Variants in SLIT3 observed in about 807,000 individuals in gnomAD.
The protein encoded by SLIT3 is slit homolog 3 protein.
Under a neutral mutation model 184.0 loss-of-function variants are expected in SLIT3, and 68 were observed. The observed-to-expected ratio is 0.37, with a 90% CI of 0.30 to 0.45. SLIT3 has a LOEUF of 0.45. Ranked by LOEUF, SLIT3 falls within the 20% of genes least tolerant of loss-of-function variation. SLIT3 has a pLI of 1.00. For synonymous variants in SLIT3, 831 were observed against 828.6 expected, an observed-to-expected ratio of 1.00 and a Z score of -0.05; for missense variants, 1,707 against 2,026.0, an observed-to-expected ratio of 0.84 and a Z score of 3.02.
chr5:168,727,978 T>C (rs922700527), intron 20 of SLIT3, among the ~76,000 whole-genome samples: 1 of 151,946 alleles, frequency 6.6e-6, no homozygotes, highest in African/African-American at 2.4e-5. Context: ...CCAGGGAGGA[T>C]CTCTTCTCCA....
chr5:168,793,994 A>G lies in SLIT3; in HGVS notation c.1007+1513T>C, dbSNP rs138079623. 2.4e-3 allele frequency among the ~76,000 whole-genome samples: 366 copies of G among 152,334 alleles called. 2 individuals carry two copies. The highest frequency in any genetic ancestry group is 7.8e-3 in the African/African-American group (326 of 41,578). ...ACTTCTGGAATTGCACCAGAAGAAA[A>G]GCTTGTTTGGTTTGGATTTCCAGGG... On this transcript the variant is annotated intron_variant, in intron 10 of 35. Coordinates refer to ENST00000519560, the MANE Select transcript of SLIT3 (RefSeq NM_003062.4).
At chr5:168,843,382 A>G (rs1314182265) in intron 6 of SLIT3, among the ~76,000 whole-genome samples, 1 of 152,208 alleles carries the variant, frequency 6.6e-6, no homozygotes, top group Non-Finnish European at 1.5e-5. Flanking sequence ...GCATTCATTG[A>G]TTCTTCTGGA....
intron 3 of SLIT3, among the ~76,000 whole-genome samples, chr5:169,222,657 C>CTGTATGA (rs1764651139): frequency 6.6e-6 from 1 of 152,164 alleles, no homozygotes; most frequent in Non-Finnish European, 1.5e-5. Flanking sequence ...ACAAGCTATG[C>CTGTATGA]CGTAACTTAC....
At chr5:168,869,869 T>C (rs1028092333) in intron 5 of SLIT3, among the ~76,000 whole-genome samples, 2 of 152,242 alleles carry the variant, frequency 1.3e-5, no homozygotes, top group African/African-American at 4.8e-5. Flanking sequence ...TTTGCGCACT[T>C]GTGCCTGGGG....
intron 4 of SLIT3, among the ~76,000 whole-genome samples, chr5:169,128,274 T>G (rs557740432): frequency 6.8e-6 from 1 of 146,592 alleles, no homozygotes; most frequent in African/African-American, 2.5e-5. Flanking sequence ...ATATATATAT[T>G]TATATATATA....
intron 3 of SLIT3, among the ~76,000 whole-genome samples, chr5:169,240,813 C>T (rs1027710632): frequency 6.7e-6 from 1 of 149,894 alleles, no homozygotes; most frequent in Non-Finnish European, 1.5e-5. Context: ...TTTTATCCTT[C>T]ATTTTAATTC....
At chr5:168,968,759 G>A (rs1754441626) in intron 4 of SLIT3, among the ~76,000 whole-genome samples, 1 of 152,102 alleles carries the variant, frequency 6.6e-6, no homozygotes, top group Non-Finnish European at 1.5e-5. Flanking sequence ...TTGCCCTACT[G>A]AGCATGATCT....
intron 4 of SLIT3, among the ~76,000 whole-genome samples, chr5:168,893,550 C>T (rs150835392): frequency 1.3e-3 from 199 of 152,202 alleles, no homozygotes; most frequent in Non-Finnish European, 2.4e-3. Context: ...TTATGTAAAT[C>T]GATCCTTTGG....
intron 4 of SLIT3, among the ~76,000 whole-genome samples, chr5:169,167,120 T>C (rs995155466): frequency 6.6e-6 from 1 of 151,884 alleles, no homozygotes; most frequent in Non-Finnish European, 1.5e-5. Flanking sequence ...CAGTGAGCTA[T>C]GGTTGTGCCA....
chr5:168,667,445 T>G (rs559064490), intron 35 of SLIT3, among the ~76,000 whole-genome samples: 38 of 152,230 alleles, frequency 2.5e-4, no homozygotes, highest in Non-Finnish European at 4.8e-4. Flanking sequence ...GAGCTGGAGT[T>G]GATATCTGAA....
intron 28 of SLIT3, among the ~76,000 whole-genome samples, chr5:168,693,690 C>T (rs1761972708): frequency 6.6e-6 from 1 of 152,156 alleles, no homozygotes; most frequent in Admixed American, 6.5e-5. Flanking sequence ...GCTGCCTTAG[C>T]TCCTGCTCCC....
chr5:169,272,520 T>A lies in SLIT3; in HGVS notation c.198-21061A>T, dbSNP rs970840886. ...CTAGGAAAGAAACCAAGCCCATGAA[T>A]CAGTCCTCACTCTGGTGCCCAGCAC... On this transcript the variant is annotated intron_variant, in intron 1 of 35. Coordinates refer to ENST00000519560, the MANE Select transcript of SLIT3 (RefSeq NM_003062.4). 2.0e-5 allele frequency among the ~76,000 whole-genome samples: 3 copies of A among 152,344 alleles called. No homozygotes were observed. In the South Asian group the frequency reaches 6.2e-4, roughly 32 times the overall value.
chr5:169,247,641 A>C (rs1381164466), intron 2 of SLIT3, among the ~76,000 whole-genome samples: 1 of 152,138 alleles, frequency 6.6e-6, no homozygotes, highest in Non-Finnish European at 1.5e-5. Flanking sequence ...TGGAAAGCTG[A>C]CTTTTATTGG....
At chr5:169,239,723 CT>C (rs1031822430) in intron 3 of SLIT3, among the ~76,000 whole-genome samples, 9 of 151,788 alleles carry the variant, frequency 5.9e-5, no homozygotes, top group African/African-American at 2.2e-4. Flanking sequence ...ATTAGTTTGG[CT>C]TTTTAGAATT....
intron 4 of SLIT3, among the ~76,000 whole-genome samples, chr5:168,992,784 T>C (rs1204744321): frequency 6.6e-6 from 1 of 152,224 alleles, no homozygotes; most frequent in East Asian, 1.9e-4. Flanking sequence ...GCATGGAATG[T>C]ATTTTCCAGT....
intron 4 of SLIT3, among the ~76,000 whole-genome samples, chr5:168,981,577 C>G (rs919357697): frequency 1.5e-4 from 23 of 152,166 alleles, no homozygotes; most frequent in Admixed American, 1.3e-3. Context: ...CCAACACTCC[C>G]TGACTTCCAT....
chr5:169,101,580 C>T (rs550944557), intron 4 of SLIT3, among the ~76,000 whole-genome samples: 1 of 152,320 alleles, frequency 6.6e-6, no homozygotes, highest in East Asian at 1.9e-4. Context: ...TCAATTCATT[C>T]TCCACAACAA....
chr5:169,300,494 G>T lies in SLIT3; in HGVS notation c.197+19C>A. 6.8e-7 allele frequency: 1 copy of T among 1,460,808 alleles called. No individual in the cohort carries two copies. Among genetic ancestry groups the T allele is most frequent in the Non-Finnish European group, 9.0e-7 (1 of 1,107,812 alleles). 90.5% of individuals were successfully genotyped at this position (1,460,808 alleles called of 1,614,324 possible). A position where few individuals can be genotyped will look rare whatever the true frequency, so the allele number is the denominator to read the frequency against. ...GACCCAGGTGGGTGGCCCGCGTGGG[G>T]TGGGGCAGGGGTACTCACAGGCGCT... On this transcript the variant is annotated intron_variant, in intron 1 of 35. Transcript: ENST00000519560. The surrounding 1 kb of genome is among the most constrained non-coding windows in gnomAD (Gnocchi z 4.1).
At chr5:169,039,046 G>C (rs1026408374) in intron 4 of SLIT3, among the ~76,000 whole-genome samples, 6 of 151,682 alleles carry the variant, frequency 4.0e-5, no homozygotes, top group Admixed American at 3.9e-4. Context: ...ACATCCCTCA[G>C]TCATCTTTTT....
Sources: gnomAD v4.1 joint callset for allele counts (sites outside exome capture counted in the v4.1 genomes callset) on GRCh38, gnomAD v4.1.1 for gene constraint, Gnocchi (gnomAD v3.1) non-coding constraint, MANE v1.5 for transcripts, NCBI Gene and HGNC (gene_info 2026-07-23, HGNC 2026-07-21) for gene names.